The following NPIPB2 variants were observed in gnomAD, a reference collection of about 807,000 sequenced individuals.
NPIPB2 encodes the protein nuclear pore complex interacting protein family member B2, also known as nuclear pore complex-interacting protein family member B2.
Under a neutral mutation model 30.8 loss-of-function variants are expected in NPIPB2, and 27 were observed. The ratio of observed to expected loss-of-function variants is 0.88; its 90% confidence interval spans 0.65 to 1.21. The LOEUF is 1.21. Ranked by LOEUF, NPIPB2 falls within the 50% of genes most tolerant of loss-of-function variation. The pLI is 0.00. For missense variants in NPIPB2, 440 were observed against 446.2 expected, an observed-to-expected ratio of 0.99 and a Z score of 0.13; for synonymous variants, 147 against 162.0, an observed-to-expected ratio of 0.91 and a Z score of 0.70.
intron 1 of NPIPB2, among the ~76,000 whole-genome samples, chr16:11,971,970 C>G (rs1185052675): frequency 6.6e-6 from 1 of 151,538 alleles, no homozygotes; most frequent in Non-Finnish European, 1.5e-5. Flanking sequence ...CATAGTGAAA[C>G]CCCATCTCTA....
At chr16:11,933,224 C>T (rs1414060851) in intron 4 of NPIPB2, among the ~76,000 whole-genome samples, 1 of 151,368 alleles carries the variant, frequency 6.6e-6, no homozygotes, top group Non-Finnish European at 1.5e-5. Flanking sequence ...TGCACTACAG[C>T]CTGGGCAACA....
intron 1 of NPIPB2, chr16:11,965,381 T>G (rs369340296): frequency 9.4e-5 from 152 of 1,614,128 alleles, no homozygotes; most frequent in Non-Finnish European, 1.2e-4. Flanking sequence ...GTTTGTTGCA[T>G]GCTTGCATAC....
exon 8 of NPIPB2, chr16:11,927,488 A>G: frequency 6.9e-7 from 1 of 1,459,240 alleles, no homozygotes; most frequent in Non-Finnish European, 9.3e-7. Flanking sequence ...TGGTGATTCC[A>G]CCTCAGCGGC....
intron 1 of NPIPB2, among the ~76,000 whole-genome samples, chr16:11,958,543 A>T (rs551331374): frequency 6.6e-6 from 1 of 152,252 alleles, no homozygotes; most frequent in African/African-American, 2.4e-5. Flanking sequence ...CAGCCTGGGC[A>T]ACACAGCAAG....
At chr16:11,948,575 G>A (rs372743152) in intron 1 of NPIPB2, among the ~76,000 whole-genome samples, 2 of 151,714 alleles carry the variant, frequency 1.3e-5, no homozygotes, top group Admixed American at 6.6e-5. Context: ...GACCATCCCG[G>A]CTAAAACGGT....
At chr16:11,960,353 CTTT>C (rs35099223) in intron 1 of NPIPB2, among the ~76,000 whole-genome samples, 10 of 126,328 alleles carry the variant, frequency 7.9e-5, no homozygotes, top group Non-Finnish European at 1.0e-4. Context: ...GTATGGTTCC[CTTT>C]TTTTTTTTTT....
intron 1 of NPIPB2, among the ~76,000 whole-genome samples, chr16:11,947,508 C>A (rs2055023847): frequency 6.6e-6 from 1 of 151,480 alleles, no homozygotes; most frequent in African/African-American, 2.4e-5. Context: ...CCACGCCCCG[C>A]TAATTTTTTG....
upstream of NPIPB2, among the ~76,000 whole-genome samples, chr16:11,945,135 G>A (rs12933162): frequency 0.05 from 7,536 of 151,910 alleles, 392 homozygotes; most frequent in African/African-American, 0.14. Flanking sequence ...TGCGGTGGCC[G>A]AGATCACGCC....
chr16:11,972,473 T>G (rs749936121), intron 1 of NPIPB2, among the ~76,000 whole-genome samples: 1 of 146,254 alleles, frequency 6.8e-6, no homozygotes, highest in African/African-American at 2.5e-5. Flanking sequence ...TACTTTGGAG[T>G]GTGAGGCACA....
chr16:11,941,679 C>T (rs557910386), intron 1 of NPIPB2, among the ~76,000 whole-genome samples: 28 of 151,696 alleles, frequency 1.8e-4, no homozygotes, highest in South Asian at 2.1e-4. Context: ...CTTTATACTC[C>T]CTCTCCACCA....
At position 11,975,141 on chromosome 16, in the gene NPIPB2, CTTTTTT is replaced by C. The variant is rs1195309022; in HGVS notation, c.-584+1421_-584+1426del. ...CTTGTGTTCACACTCAATCCATCACCTTTTTTTTTTTTTTTTTTTTTTTTGAGACGG... is the reference window on the plus strand; with the variant it reads ...CTTGTGTTCACACTCAATCCATCACCTTTTTTTTTTTTTTTTTTGAGACGG... On this transcript the variant is annotated intron_variant, in intron 1 of 5. Transcript: ENST00000538896. 1.3e-3 allele frequency among the ~76,000 whole-genome samples: 50 copies of C among 37,520 alleles called. 1 individual carries two copies. The highest frequency in any genetic ancestry group is 2.9e-3 in the East Asian group (2 of 684). 24.6% of individuals were successfully genotyped at this position (37,520 alleles called of 152,430 possible).
At chr16:11,931,365 A>G (rs1303170712) in intron 4 of NPIPB2, among the ~76,000 whole-genome samples, 1 of 143,368 alleles carries the variant, frequency 7.0e-6, no homozygotes, top group Non-Finnish European at 1.5e-5. Context: ...CACTTGATTC[A>G]TGGTCCTGAT....
intron 1 of NPIPB2, among the ~76,000 whole-genome samples, chr16:11,972,203 G>C (rs1252837718): frequency 6.6e-6 from 1 of 152,128 alleles, no homozygotes. Flanking sequence ...AGGGATTGTG[G>C]AGACCGTAGT....
At chr16:11,972,812 C>G (rs2055243893) in intron 1 of NPIPB2, among the ~76,000 whole-genome samples, 1 of 148,112 alleles carries the variant, frequency 6.8e-6, no homozygotes, top group South Asian at 2.1e-4. Flanking sequence ...TGCAGTGAGC[C>G]GAGATCACGC....
intron 1 of NPIPB2, among the ~76,000 whole-genome samples, chr16:11,957,476 T>C (rs1039555964): frequency 2.0e-5 from 3 of 151,888 alleles, no homozygotes; most frequent in Non-Finnish European, 4.4e-5. Flanking sequence ...GTATTTTTTG[T>C]ACAGACGGGG....
chr16:11,942,200 G>A (rs1462548273), upstream of NPIPB2: 10 of 883,944 alleles, frequency 1.1e-5, no homozygotes, highest in South Asian at 1.8e-5. Flanking sequence ...TTTTGTTCCA[G>A]CAAATCTCAA....
upstream of NPIPB2, among the ~76,000 whole-genome samples, chr16:11,943,995 C>A (rs1340374376): frequency 9.6e-3 from 5 of 522 alleles, no homozygotes; most frequent in Admixed American, 0.091. Context: ...AAGACTCTGT[C>A]TCAAAAAAAA....
chr16:11,951,740 G>A (rs1389005120), intron 1 of NPIPB2, among the ~76,000 whole-genome samples: 4 of 151,462 alleles, frequency 2.6e-5, no homozygotes, highest in African/African-American at 9.7e-5. Context: ...AGAAACCCCT[G>A]GAGTAGGCCA....
intron 1 of NPIPB2, among the ~76,000 whole-genome samples, chr16:11,953,394 G>A (rs1213912671): frequency 6.6e-6 from 1 of 151,522 alleles, no homozygotes; most frequent in East Asian, 1.9e-4. Context: ...TCAGGGTGGA[G>A]TGCAGTGGAG....
Sources: allele counts gnomAD v4.1 joint callset (sites outside exome capture counted in the v4.1 genomes callset), GRCh38; gene constraint gnomAD v4.1.1; transcripts MANE v1.5; gene names NCBI Gene and HGNC (gene_info 2026-07-23, HGNC 2026-07-21).